The following TNRC18 variants were observed in gnomAD, a reference collection of about 807,000 sequenced individuals.
TNRC18 encodes trinucleotide repeat containing 18, also known as trinucleotide repeat-containing gene 18 protein.
A neutral mutation model predicts 226.7 loss-of-function variants in TNRC18; 69 were observed. That is an observed-to-expected ratio of 0.30 (90% CI 0.25 to 0.37). The LOEUF (loss-of-function observed/expected upper bound fraction) is 0.37. Among genes scored for constraint, TNRC18 ranks in the 10% least tolerant of loss-of-function variants. The pLI is 1.00. For missense variants in TNRC18, 4,754 were observed against 4,256.6 expected (o/e 1.12, Z -3.25); for synonymous variants, 2,449 against 1,927.6 (o/e 1.27, Z -7.09).
chr7:5,314,960 G>A (rs758938221), intron 26 of TNRC18, 24 bp downstream of exon 26: 40 of 1,596,274 alleles, frequency 2.5e-5, no homozygotes, highest in Non-Finnish European at 6.8e-6. Context: ...CCACCGCCCT[G>A]CCCTGGGGAC....
chr7:5,363,045 G>A (rs1015962651), intron 11 of TNRC18, among the ~76,000 whole-genome samples: 4 of 152,188 alleles, frequency 2.6e-5, no homozygotes, highest in African/African-American at 9.6e-5. Flanking sequence ...TGTAATCCCA[G>A]CACTTTGGGT....
chr7:5,364,793 G>A (rs1308580771), intron 11 of TNRC18, among the ~76,000 whole-genome samples: 2 of 145,730 alleles, frequency 1.4e-5, no homozygotes, highest in African/African-American at 2.5e-5. Flanking sequence ...AACAGAGGGA[G>A]GCTGTCTCAG....
chr7:5,398,768 C>G (rs1780880811), intron 2 of TNRC18, among the ~76,000 whole-genome samples: 1 of 151,694 alleles, frequency 6.6e-6, no homozygotes, highest in Non-Finnish European at 1.5e-5. Flanking sequence ...CAGGCACACA[C>G]CATCACACCC....
At chr7:5,375,917 C>T (rs1794625070) in intron 9 of TNRC18, 117 bp downstream of exon 9, 2 of 1,036,054 alleles carry the variant, frequency 1.9e-6, no homozygotes, top group South Asian at 1.6e-5. Flanking sequence ...TGACCACCTG[C>T]CCCTCTGCTG....
intron 9 of TNRC18, 32 bp downstream of exon 9, chr7:5,376,002 G>C (rs957341232): frequency 6.4e-7 from 1 of 1,560,092 alleles, no homozygotes; most frequent in Non-Finnish European, 8.7e-7. Flanking sequence ...GGGGCCCCCA[G>C]AGGGAGCTGC....
At chr7:5,408,204 C>T (rs2128216091) in intron 2 of TNRC18, among the ~76,000 whole-genome samples, 1 of 150,658 alleles carries the variant, frequency 6.6e-6, no homozygotes. Context: ...GAGGCTGAGG[C>T]AGGGGAATCT....
Position 5,377,029 on chromosome 7 carries a change from G to C in TNRC18, c.2462-36C>G. Reference sequence around the variant, plus strand: ...AAGCCCAGGCCTGAGTCAGTGCTGGGAGCCCCCAAGCGGTTTGTCCTCGGG... The same window carrying C: ...AAGCCCAGGCCTGAGTCAGTGCTGGCAGCCCCCAAGCGGTTTGTCCTCGGG... On this transcript the variant is annotated intron_variant, in intron 7 of 29. Transcript: ENST00000430969. The surrounding 1 kb of genome is among the most constrained non-coding windows in gnomAD (Gnocchi z 5.8). The C allele has an allele frequency of 1.9e-6, 3 of 1,550,316 alleles. No individual in the cohort carries two copies. Among genetic ancestry groups the C allele is most frequent in the Non-Finnish European group, 2.6e-6 (3 of 1,149,292 alleles).
rs748119810 is a variant in TNRC18 at position 5,361,628 on chromosome 7, G to A, written c.4627C>T (p.Arg1543Cys). ...CTGTGGCCGCTCTTCCCTCTCTTGC[G>A]GGGGGGCGACAGGGCGCTCGGGGCG... ...THAPSALSPP[R>C]KRGKSGHSSG... Residue 1543 changes from arginine to cysteine, a missense_variant, in exon 14 of 30, where the codon CGC becomes TGC. Physicochemically the swap from Arg to Cys is radical, Grantham distance 180. Coordinates refer to ENST00000430969, the MANE Select transcript of TNRC18 (RefSeq NM_001080495.3). 1.1e-4 allele frequency: 171 copies of A among 1,543,820 alleles called. No homozygotes were observed. The highest frequency in any genetic ancestry group is 1.3e-4 in the Non-Finnish European group (146 of 1,146,230).
In TNRC18 at chr7:5,371,798, T is replaced by A. The variant is rs151115106; in HGVS notation, c.3230-434A>T. Among the ~76,000 whole-genome samples, 622 of 151,662 alleles carry A rather than the reference T, an allele frequency of 4.1e-3. 2 individuals are homozygous for A. Among genetic ancestry groups the A allele is most frequent in the African/African-American group, 0.014 (587 of 41,518 alleles). The stretch of plus-strand genomic sequence containing the variant: ...CAAAATCTAACAGCAGAGCCAGGCG[T>A]GGTGGGCCACGCCTGTAATCCCAGC... On this transcript the variant is annotated intron_variant, in intron 10 of 29. Transcript: ENST00000430969.
At position 5,324,368 on chromosome 7, in the gene TNRC18, C is replaced by T. The variant is rs1339058885; in HGVS notation, c.6301-13G>A. 6.2e-7 allele frequency: 1 copy of T among 1,612,754 alleles called. No homozygotes were observed. Among genetic ancestry groups the T allele is most frequent in the East Asian group, 2.2e-5 (1 of 44,884 alleles). On this transcript the variant is annotated splice_polypyrimidine_tract_variant and intron_variant, in intron 20 of 29. Coordinates refer to ENST00000430969, the MANE Select transcript of TNRC18 (RefSeq NM_001080495.3). This position sits in a 1 kb window ranked among gnomAD's most constrained non-coding sequence, Gnocchi z 4.8. ...CCTTGCCGCGGTTCTGGGGACAGAA[C>T]ATGGCCGACAAATGACTTAGGACCT... is the stretch of plus-strand genomic sequence containing the variant.
chr7:5,346,469 C>T (rs1437553530), intron 17 of TNRC18, among the ~76,000 whole-genome samples: 1 of 152,088 alleles, frequency 6.6e-6, no homozygotes, highest in Admixed American at 6.5e-5. Context: ...GCACTCCAGC[C>T]TGGGTGACAA....
rs1176899315 is a variant in TNRC18 at position 5,307,470 on chromosome 7, G to C, written c.*636C>G. The C allele has an allele frequency of 2.3e-6, 1 of 432,528 alleles. No individual in the cohort carries two copies. The highest frequency in any genetic ancestry group is 1.6e-5 in the South Asian group (1 of 61,080). 26.8% of individuals were successfully genotyped at this position (432,528 alleles called of 1,614,324 possible). Reference sequence around the variant, plus strand: ...TTCTGTAGTGTGAGGGTTTGGACCAGGGTGGGCCTGTGCCGGGCCCTCTCC... The same window carrying C: ...TTCTGTAGTGTGAGGGTTTGGACCACGGTGGGCCTGTGCCGGGCCCTCTCC... On this transcript the variant is annotated 3_prime_UTR_variant, in exon 30 of 30. Transcript: ENST00000430969.
At chr7:5,345,337 G>T (rs551066506) in intron 18 of TNRC18, among the ~76,000 whole-genome samples, 3 of 152,198 alleles carry the variant, frequency 2.0e-5, no homozygotes, top group African/African-American at 7.2e-5. Flanking sequence ...GACTGAAGGA[G>T]GTCGCCCTTT....
intron 16 of TNRC18, 81 bp downstream of exon 16, chr7:5,356,835 G>A (rs942625024): frequency 2.8e-6 from 4 of 1,441,114 alleles, no homozygotes; most frequent in Non-Finnish European, 3.7e-6. Context: ...AGGGGCGGGG[G>A]GGGAAGGAGG....
At position 5,313,434 on chromosome 7, in the gene TNRC18, T is replaced by G. The variant is rs750897694; in HGVS notation, c.7457A>C (p.Asp2486Ala). Residue 2486 changes from aspartate to alanine, a missense_variant, in exon 27 of 30, where the codon GAT becomes GCT. By Grantham distance (126) the Asp-to-Ala change is moderately radical. Coordinates refer to ENST00000430969, the MANE Select transcript of TNRC18 (RefSeq NM_001080495.3). ...CTCCTGCCAGCCCCCCGCCCCCGGA[T>G]CCTCCCGGAGCAGCAGGGCCTCTTT... The part of the protein sequence containing the change: ...KAKEALLLRE[D>A]PGAGGWQEPK... The G allele has an allele frequency of 6.2e-7, 1 of 1,610,274 alleles. No homozygotes were observed. The highest frequency in any genetic ancestry group is 8.5e-7 in the Non-Finnish European group (1 of 1,178,662).
intron 15 of TNRC18, among the ~76,000 whole-genome samples, chr7:5,358,437 C>G (rs1022206965): frequency 6.6e-5 from 10 of 152,152 alleles, no homozygotes; most frequent in African/African-American, 2.4e-4. Context: ...AAAGTAAAAA[C>G]GATCTGGTGT....
chr7:5,363,917 G>A (rs912992562), intron 11 of TNRC18, among the ~76,000 whole-genome samples: 4 of 152,120 alleles, frequency 2.6e-5, no homozygotes, highest in African/African-American at 9.7e-5. Flanking sequence ...TCCCTCGGGA[G>A]GCTACTGTGG....
chr7:5,372,905 T>A (rs1226014959), intron 10 of TNRC18, among the ~76,000 whole-genome samples: 2 of 152,004 alleles, frequency 1.3e-5, no homozygotes, highest in Non-Finnish European at 2.9e-5. Context: ...ACGCCTGTAA[T>A]CCCAGCACTC....
At chr7:5,329,059 T>C (rs867851546) in intron 19 of TNRC18, among the ~76,000 whole-genome samples, 32 of 152,002 alleles carry the variant, frequency 2.1e-4, no homozygotes, top group African/African-American at 6.5e-4. Context: ...TCGCAACACA[T>C]TGGGAGGCTG....
Sources: gnomAD v4.1 joint callset for allele counts (sites outside exome capture counted in the v4.1 genomes callset) on GRCh38, gnomAD v4.1.1 for gene constraint, Gnocchi (gnomAD v3.1) non-coding constraint, MANE v1.5 for transcripts, NCBI Gene and HGNC (gene_info 2026-07-23, HGNC 2026-07-21) for gene names.